Variants in RICTOR observed in about 807,000 individuals in gnomAD.
The protein encoded by RICTOR is RPTOR independent companion of MTOR complex 2, also known as rapamycin-insensitive companion of mTOR.
RICTOR carries 49 observed loss-of-function variants against 214.9 expected under a neutral mutation model. The observed-to-expected ratio is 0.23, with a 90% CI of 0.18 to 0.29. The LOEUF (loss-of-function observed/expected upper bound fraction) is 0.29. Among genes scored for constraint, RICTOR ranks in the 10% least tolerant of loss-of-function variants. The pLI is 1.00. For synonymous variants in RICTOR, 717 were observed against 711.3 expected, an observed-to-expected ratio of 1.01 and a Z score of -0.13; for missense variants, 1,625 against 2,047.0, an observed-to-expected ratio of 0.79 and a Z score of 3.98.
chr5:39,005,348 T>TC (rs201064313), intron 3 of RICTOR, among the ~76,000 whole-genome samples: 2 of 142,078 alleles, frequency 1.4e-5, no homozygotes, highest in African/African-American at 5.9e-5. Context: ...TAAATCCTCT[T>TC]TTTTTTTTTT....
Position 38,959,339 on chromosome 5 carries a change from A to AG in RICTOR, c.2052-19_2052-18insC, listed in dbSNP as rs775183405. The stretch of plus-strand genomic sequence containing the variant: ...TAAGGAGACTTAAAAGAAAAAAAAA[A>AG]TAAGAATGGTTAAAAGAAATTACTA... On this transcript the variant is annotated intron_variant, in intron 21 of 37. Transcript: ENST00000357387. The AG allele has an allele frequency of 7.2e-7, 1 of 1,397,416 alleles. No individual in the cohort carries two copies. The highest frequency in any genetic ancestry group is 9.8e-7 in the Non-Finnish European group (1 of 1,021,884). 86.6% of individuals were successfully genotyped at this position (1,397,416 alleles called of 1,614,324 possible). A position where few individuals can be genotyped will look rare whatever the true frequency, so the allele number is the denominator to read the frequency against.
chr5:38,983,420 C>T (rs1751889624), intron 7 of RICTOR, among the ~76,000 whole-genome samples: 1 of 152,252 alleles, frequency 6.6e-6, no homozygotes, highest in Non-Finnish European at 1.5e-5. Flanking sequence ...TACAAAGTAA[C>T]ACTGTCTCCT....
chr5:39,043,352 G>A (rs1035710774), intron 2 of RICTOR, among the ~76,000 whole-genome samples: 4 of 152,086 alleles, frequency 2.6e-5, no homozygotes, highest in Admixed American at 1.3e-4. Flanking sequence ...GATGAACCAG[G>A]AGGACATGAT....
intron 10 of RICTOR, among the ~76,000 whole-genome samples, chr5:38,973,593 C>CAGCTA (rs1750963806): frequency 6.6e-6 from 1 of 152,150 alleles, no homozygotes; most frequent in Admixed American, 6.5e-5. Context: ...CCTGTACTTC[C>CAGCTA]AGCTAAGCGT....
intron 2 of RICTOR, among the ~76,000 whole-genome samples, chr5:39,046,080 A>G (rs1757476441): frequency 8.4e-6 from 1 of 119,458 alleles, no homozygotes; most frequent in Non-Finnish European, 1.8e-5. Context: ...CCAGGTGCAG[A>G]GGCTCATGCA....
In RICTOR at chr5:38,945,526, G is replaced by C; in HGVS notation, c.4598C>G (p.Pro1533Arg). Residue 1533 changes from proline (P) to arginine (R), a missense_variant, in exon 34 of 38, where the codon CCC becomes CGC. Coordinates refer to ENST00000357387, the MANE Select transcript of RICTOR (RefSeq NM_152756.5). ...ACATATTGCACTCAGTTGGTTGCTG[G>C]GCTGGAAACCCAGAATTTCAATACA... ...CVCIEILGFQ[P>R]SNQLSAICSH... 4 of 1,613,786 alleles carry C rather than the reference G, an allele frequency of 2.5e-6. No individual in the cohort carries two copies. The highest frequency in any genetic ancestry group is 3.4e-6 in the Non-Finnish European group (4 of 1,179,758).
At chr5:39,038,043 T>C (rs1352492206) in intron 2 of RICTOR, among the ~76,000 whole-genome samples, 2 of 152,194 alleles carry the variant, frequency 1.3e-5, no homozygotes, top group Non-Finnish European at 2.9e-5. Flanking sequence ...CCAATATCCC[T>C]GATGAACATT....
rs1399356712 is a variant in RICTOR at position 38,990,654 on chromosome 5, T to TCATATATATCA, written c.583+294_583+295insTGATATATATG. Among the ~76,000 whole-genome samples, 6 of 89,062 alleles carry TCATATATATCA rather than the reference T, an allele frequency of 6.7e-5. 1 individual carries two copies. The highest frequency in any genetic ancestry group is 1.5e-4 in the African/African-American group (4 of 25,910). The allele number at this position is 89,062 out of a possible 152,430, so 58.4% of individuals were successfully genotyped here. The stretch of plus-strand genomic sequence containing the variant: ...ATATATCTGACATATATCAGATATA[T>TCATATATATCA]GATATATATCAGATATATATCAGAT... On this transcript the variant is annotated intron_variant, in intron 7 of 37. Transcript: ENST00000357387.
chr5:38,968,727 C>A (rs2150035263), intron 11 of RICTOR, among the ~76,000 whole-genome samples: 1 of 149,696 alleles, frequency 6.7e-6, no homozygotes, highest in Admixed American at 6.6e-5. Context: ...GACAGCAAGA[C>A]CCTGCCTCTT....
At chr5:38,952,508 T>A in intron 29 of RICTOR, 83 bp from the exon 30 acceptor site, 2 of 896,400 alleles carry the variant, frequency 2.2e-6, no homozygotes, top group Non-Finnish European at 3.4e-6. Context: ...TTGCTATACA[T>A]ACTTTGAACT....
intron 7 of RICTOR, among the ~76,000 whole-genome samples, chr5:38,982,787 T>C (rs1013166669): frequency 9.8e-5 from 5 of 50,906 alleles, no homozygotes; most frequent in East Asian, 5.5e-4. Flanking sequence ...CATATATATA[T>C]ACATATATAT....
At chr5:38,945,132 G>A in intron 34 of RICTOR, 64 bp from the exon 35 acceptor site, 1 of 1,116,342 alleles carries the variant, frequency 9.0e-7, no homozygotes, top group Non-Finnish European at 1.3e-6. Context: ...TGCTTACATT[G>A]CATGCTAAAA....
intron 2 of RICTOR, among the ~76,000 whole-genome samples, chr5:39,054,253 A>AT: frequency 6.6e-6 from 1 of 152,162 alleles, no homozygotes; most frequent in Non-Finnish European, 1.5e-5. Flanking sequence ...AAATCTGCCT[A>AT]TAAGCCATCC....
intron 24 of RICTOR, among the ~76,000 whole-genome samples, chr5:38,958,202 A>C (rs375115589): frequency 6.6e-6 from 1 of 152,054 alleles, no homozygotes. Context: ...GGACCATTGC[A>C]CTCTGGCCTG....
intron 7 of RICTOR, among the ~76,000 whole-genome samples, chr5:38,985,176 A>C (rs1752068633): frequency 6.6e-6 from 1 of 152,128 alleles, no homozygotes; most frequent in South Asian, 2.1e-4. Flanking sequence ...TCCACAGGGA[A>C]ATGGTTCTAG....
At chr5:38,984,457 C>T (rs1454259453) in intron 7 of RICTOR, among the ~76,000 whole-genome samples, 1 of 151,826 alleles carries the variant, frequency 6.6e-6, no homozygotes, top group Non-Finnish European at 1.5e-5. Flanking sequence ...TTATTTTTTG[C>T]TTAATTATAA....
chr5:39,019,702 C>T (rs983943960), intron 3 of RICTOR, among the ~76,000 whole-genome samples: 1 of 152,112 alleles, frequency 6.6e-6, no homozygotes, highest in Non-Finnish European at 1.5e-5. Flanking sequence ...ATGTTGTTTT[C>T]ATGTTTGCTA....
At chr5:39,046,272 G>C (rs1757492134) in intron 2 of RICTOR, among the ~76,000 whole-genome samples, 1 of 150,954 alleles carries the variant, frequency 6.6e-6, no homozygotes, top group African/African-American at 2.4e-5. Context: ...GCTGAGATGG[G>C]AAGATCACTT....
In RICTOR at chr5:38,962,979, T is replaced by C; in HGVS notation, c.1463A>G (p.Lys488Arg). The change falls in exon 17 of 38, where the codon AAG becomes AGG. Residue 488 changes from lysine (K) to arginine (R), a missense_variant. Coordinates refer to ENST00000357387, the MANE Select transcript of RICTOR (RefSeq NM_152756.5). ...GTGGTCTAAATGAAGACTATAAGGCTTAGGTCCTCGTTTCTTCATTTCATG... is the reference window on the plus strand; with the variant it reads ...GTGGTCTAAATGAAGACTATAAGGCCTAGGTCCTCGTTTCTTCATTTCATG... ...RFHEMKKRGP[K>R]PYSLHLDHII... The C allele has an allele frequency of 3.1e-6, 5 of 1,612,584 alleles. No individual in the cohort carries two copies. Among genetic ancestry groups the C allele is most frequent in the Non-Finnish European group, 3.4e-6 (4 of 1,178,780 alleles).
Sources: allele counts gnomAD v4.1 joint callset (sites outside exome capture counted in the v4.1 genomes callset), GRCh38; gene constraint gnomAD v4.1.1; transcripts MANE v1.5; gene names NCBI Gene and HGNC (gene_info 2026-07-23, HGNC 2026-07-21).